The following KLHL29 variants were observed in gnomAD, a reference collection of about 807,000 sequenced individuals.
KLHL29 encodes the protein kelch-like protein 29.
Under a neutral mutation model 80.4 loss-of-function variants are expected in KLHL29, and 21 were observed. The observed-to-expected ratio is 0.26, with a 90% CI of 0.19 to 0.38. The LOEUF (loss-of-function observed/expected upper bound fraction) is 0.38, where lower values mean the gene tolerates loss of function less well. KLHL29 is among the 10% of genes least tolerant of loss of function. The pLI, the probability that KLHL29 is intolerant of heterozygous loss-of-function variation, is 1.00. For missense variants in KLHL29, 867 were observed against 1,223.9 expected, an observed-to-expected ratio of 0.71 and a Z score of 4.35; for synonymous variants, 511 against 526.8, an observed-to-expected ratio of 0.97 and a Z score of 0.41.
At chr2:23,537,176 G>A (rs1431506186) in intron 2 of KLHL29, among the ~76,000 whole-genome samples, 4 of 151,992 alleles carry the variant, frequency 2.6e-5, no homozygotes, top group African/African-American at 4.8e-5. Context: ...GGTTGCTCTC[G>A]GGCTCTGTCG....
intron 1 of KLHL29, among the ~76,000 whole-genome samples, chr2:23,413,122 A>C (rs531040921): frequency 1.2e-4 from 18 of 152,188 alleles, no homozygotes; most frequent in Non-Finnish European, 2.4e-4. Context: ...AACTGATGGC[A>C]CTGTGAGGCA....
intron 3 of KLHL29, among the ~76,000 whole-genome samples, chr2:23,633,271 G>C (rs1432724272): frequency 6.6e-6 from 1 of 152,228 alleles, no homozygotes; most frequent in African/African-American, 2.4e-5. Flanking sequence ...CAGCTGGGCT[G>C]TGTTAGGGAA....
intron 2 of KLHL29, among the ~76,000 whole-genome samples, chr2:23,520,054 A>G (rs1034495541): frequency 6.6e-6 from 1 of 152,162 alleles, no homozygotes; most frequent in African/African-American, 2.4e-5. Context: ...GCCCCAAGAT[A>G]TTTTCCTTTC....
chr2:23,598,234 GTAT>G (rs968844833), intron 3 of KLHL29, among the ~76,000 whole-genome samples: 147 of 152,258 alleles, frequency 9.7e-4, no homozygotes, highest in African/African-American at 3.4e-3. Flanking sequence ...TGTAGGGCAG[GTAT>G]TATTATCCCC....
intron 8 of KLHL29, among the ~76,000 whole-genome samples, chr2:23,694,412 G>A (rs1036935366): frequency 2.6e-5 from 4 of 152,070 alleles, no homozygotes; most frequent in African/African-American, 9.7e-5. Flanking sequence ...CCTCCTAAGT[G>A]GTTTCCTTGC....
intron 2 of KLHL29, among the ~76,000 whole-genome samples, chr2:23,490,559 A>G (rs958036645): frequency 6.6e-6 from 1 of 152,222 alleles, no homozygotes; most frequent in East Asian, 1.9e-4. Context: ...CTGCTTGGTC[A>G]AAAGCCCCCT....
chr2:23,454,391 GTTTATTC>G (rs1663979877), intron 1 of KLHL29, among the ~76,000 whole-genome samples: 2 of 152,118 alleles, frequency 1.3e-5, no homozygotes, highest in African/African-American at 4.8e-5. Context: ...AAACGAGTAT[GTTTATTC>G]TTTATTTCAC....
chr2:23,687,579 G>C lies in KLHL29; in HGVS notation c.1079+3042G>C, dbSNP rs189722485. ...TGAGCCCACAGTCTGGTGGGGACAC[G>C]CTGCAGACAGGCAAGGAGACGAGCA... On this transcript the variant is annotated intron_variant, in intron 6 of 13. Transcript: ENST00000486442. Among the ~76,000 whole-genome samples the C allele has an allele frequency of 1.1e-4, 17 of 152,328 alleles. No homozygotes were observed. In the East Asian group the frequency reaches 3.1e-3, roughly 28 times the overall value.
intron 1 of KLHL29, among the ~76,000 whole-genome samples, chr2:23,386,305 T>G (rs1358095862): frequency 1.3e-5 from 2 of 152,120 alleles, no homozygotes; most frequent in African/African-American, 4.8e-5. Context: ...GCCCCTCGCG[T>G]CCTCTGATCT....
At chr2:23,599,225 C>A (rs1006500570) in intron 3 of KLHL29, among the ~76,000 whole-genome samples, 1 of 152,146 alleles carries the variant, frequency 6.6e-6, no homozygotes, top group South Asian at 2.1e-4. Flanking sequence ...GCCCGTGTTG[C>A]CCCCAGCCTT....
chr2:23,612,023 G>A (rs373005740), intron 3 of KLHL29, among the ~76,000 whole-genome samples: 12 of 152,152 alleles, frequency 7.9e-5, no homozygotes, highest in African/African-American at 2.7e-4. Context: ...TCTAACACAC[G>A]TATAATTGGG....
intron 1 of KLHL29, among the ~76,000 whole-genome samples, chr2:23,387,097 T>A (rs1666203594): frequency 6.6e-6 from 1 of 152,146 alleles, no homozygotes; most frequent in Non-Finnish European, 1.5e-5. Context: ...CTCCCTCCCG[T>A]GCTTGCGCCG....
At position 23,682,605 on chromosome 2, in the gene KLHL29, G is replaced by A. The variant is rs6729422; in HGVS notation, c.941-1794G>A. Among the ~76,000 whole-genome samples the A allele has an allele frequency of 0.01, 1,560 of 152,254 alleles. 27 individuals carry two copies. The highest frequency in any genetic ancestry group is 0.033 in the African/African-American group (1,387 of 41,538). ...CTGTTGCGATCTGGCCCCGCCCACCGCCTCATTGTGTTCCCTGTTGCCCAT... is the reference window on the plus strand; with the variant it reads ...CTGTTGCGATCTGGCCCCGCCCACCACCTCATTGTGTTCCCTGTTGCCCAT... On this transcript the variant is annotated intron_variant, in intron 5 of 13. Transcript: ENST00000486442. This position sits in a 1 kb window ranked among gnomAD's most constrained non-coding sequence, Gnocchi z 4.1.
intron 2 of KLHL29, among the ~76,000 whole-genome samples, chr2:23,515,782 C>T (rs1286706536): frequency 1.3e-5 from 2 of 152,128 alleles, no homozygotes; most frequent in East Asian, 1.9e-4. Flanking sequence ...AGTTCATAGG[C>T]GGCTCCCCAA....
intron 3 of KLHL29, among the ~76,000 whole-genome samples, chr2:23,578,252 A>G (rs191790238): frequency 6.6e-6 from 1 of 152,314 alleles, no homozygotes; most frequent in African/African-American, 2.4e-5. Flanking sequence ...CACCAGCAAC[A>G]TAAGTACTTA....
chr2:23,495,216 A>G (rs541847802), intron 2 of KLHL29, among the ~76,000 whole-genome samples: 1 of 152,180 alleles, frequency 6.6e-6, no homozygotes, highest in South Asian at 2.1e-4. Flanking sequence ...GGAAATGGTA[A>G]AAGATGTGAG....
At chr2:23,533,277 C>G (rs1287638386) in intron 2 of KLHL29, among the ~76,000 whole-genome samples, 1 of 152,120 alleles carries the variant, frequency 6.6e-6, no homozygotes, top group Non-Finnish European at 1.5e-5. Flanking sequence ...TGGGCTAGTC[C>G]TAGGGCATGG....
intron 1 of KLHL29, 26 bp from the exon 2 acceptor site, chr2:23,475,534 C>A (rs916398719): frequency 3.6e-5 from 6 of 166,794 alleles, no homozygotes; most frequent in African/African-American, 1.5e-4. Flanking sequence ...CCACCCCTAC[C>A]CCACTGTTTT....
chr2:23,693,209 G>C, intron 7 of KLHL29, 60 bp from the exon 8 acceptor site: 1 of 1,499,704 alleles, frequency 6.7e-7, no homozygotes, highest in Non-Finnish European at 8.9e-7. Context: ...ACAGCAATGG[G>C]AACAGGTGGC....
Sources: gnomAD v4.1 joint callset for allele counts (sites outside exome capture counted in the v4.1 genomes callset) on GRCh38, gnomAD v4.1.1 for gene constraint, Gnocchi (gnomAD v3.1) non-coding constraint, MANE v1.5 for transcripts, NCBI Gene and HGNC (gene_info 2026-07-23, HGNC 2026-07-21) for gene names.